TACC2: variants seen among roughly 807,000 people sequenced by gnomAD.
TACC2 encodes the protein transforming acidic coiled-coil-containing protein 2.
In TACC2, 137 loss-of-function variants were observed where a neutral mutation model predicts 227.3. That is an observed-to-expected ratio of 0.60 (90% confidence interval 0.52 to 0.69). The LOEUF (loss-of-function observed/expected upper bound fraction) is 0.69. Ranked by LOEUF, TACC2 falls within the 30% of genes least tolerant of loss-of-function variation. The probability of loss-of-function intolerance (pLI) is 0.00; values close to 1 mark genes in which losing one functional copy is unlikely to be tolerated. For missense variants in TACC2, 3,470 were observed against 3,694.4 expected (o/e 0.94, Z 1.57); for synonymous variants, 1,523 against 1,487.5 (o/e 1.02, Z -0.55).
intron 5 of TACC2, among the ~76,000 whole-genome samples, chr10:122,104,074 TCTGCAG>T (rs1350782656): frequency 6.6e-6 from 1 of 152,242 alleles, no homozygotes; most frequent in Non-Finnish European, 1.5e-5. Context: ...CACTGCTGTT[TCTGCAG>T]CTCCTAGAAG....
In TACC2 at chr10:122,195,178, T is replaced by G; in HGVS notation, c.5971+2T>G. The G allele has an allele frequency of 6.3e-7, 1 of 1,580,670 alleles. No homozygotes were observed. Among genetic ancestry groups the G allele is most frequent in the South Asian group, 1.1e-5 (1 of 89,568 alleles). ...CACAGCCACCCCCGGAAGAACCAGG[T>G]AACCAAGGGCAGGGAGGCCCCCAGA... On this transcript the variant is annotated splice_donor_variant, in intron 8 of 22. Coordinates refer to ENST00000369005, the MANE Select transcript of TACC2 (RefSeq NM_206862.4). LOFTEE classifies it high-confidence loss of function.
intron 4 of TACC2, 135 bp from the exon 5 acceptor site, chr10:122,088,343 T>C (rs2080316326): frequency 7.4e-6 from 6 of 809,758 alleles, no homozygotes; most frequent in South Asian, 2.0e-5. Context: ...CAGGGGGCCC[T>C]TTTTCCTAGG....
rs1177233981 is a variant in TACC2, at chr10:122,180,999, C to T, written c.5835-14041C>T. On this transcript the variant is annotated intron_variant, in intron 7 of 22. Transcript: ENST00000369005. This position sits in a 1 kb window ranked among gnomAD's most constrained non-coding sequence, Gnocchi z 4.5. ...CCTCAGGTGATCCACCCACCTCAGCCTCCCAAAGTGCTGGGATTACAGGCA... is the reference window on the plus strand; with the variant it reads ...CCTCAGGTGATCCACCCACCTCAGCTTCCCAAAGTGCTGGGATTACAGGCA... Among the ~76,000 whole-genome samples, 3 of 150,708 alleles carry T rather than the reference C, an allele frequency of 2.0e-5. No homozygotes were observed. Among genetic ancestry groups the T allele is most frequent in the African/African-American group, 7.3e-5 (3 of 41,060 alleles).
intron 5 of TACC2, among the ~76,000 whole-genome samples, chr10:122,132,067 A>AGGAATGAAGGAAGGAAGGAAGG (rs57429902): frequency 3.5e-5 from 1 of 28,812 alleles, no homozygotes; most frequent in Admixed American, 3.2e-4. Context: ...AAAGAAAGAA[A>AGGAATGAAGGAAGGAAGGAAGG]AAGAAAGAAA....
rs1175613359 is a variant in TACC2, at chr10:122,195,882, GC to G, written c.5971+709del. 3.3e-5 allele frequency among the ~76,000 whole-genome samples: 5 copies of G among 152,160 alleles called. No individual in the cohort carries two copies. In the South Asian group the frequency reaches 1.0e-3, roughly 32 times the overall value. On this transcript the variant is annotated intron_variant, in intron 8 of 22. Coordinates refer to ENST00000369005, the MANE Select transcript of TACC2 (RefSeq NM_206862.4). ...AATGGTCCCACAGGCTGGCCAGGGGGCCCAGGTGGTATTGTCCTTGGGCCTG... is the reference window on the plus strand; with the variant it reads ...AATGGTCCCACAGGCTGGCCAGGGGGCCAGGTGGTATTGTCCTTGGGCCTG...
At chr10:122,222,482 G>A (rs2141261480) in intron 11 of TACC2, among the ~76,000 whole-genome samples, 1 of 152,318 alleles carries the variant, frequency 6.6e-6, no homozygotes, top group East Asian at 1.9e-4. Context: ...TCTGAAACCA[G>A]GCATCTCACA....
At chr10:122,028,745 CT>C (rs1281053257) in intron 2 of TACC2, among the ~76,000 whole-genome samples, 3,372 of 125,462 alleles carry the variant, frequency 0.027, 153 homozygotes, top group Middle Eastern at 0.05. Flanking sequence ...CCCCTCCCCT[CT>C]CCTCCCTTCC....
At chr10:122,089,449 G>A (rs960747385) in intron 5 of TACC2, among the ~76,000 whole-genome samples, 1 of 152,198 alleles carries the variant, frequency 6.6e-6, no homozygotes, top group Non-Finnish European at 1.5e-5. Flanking sequence ...ATGTAACCAC[G>A]AACAGTGACC....
intron 7 of TACC2, among the ~76,000 whole-genome samples, chr10:122,186,238 A>T (rs964685807): frequency 1.3e-5 from 2 of 151,986 alleles, no homozygotes; most frequent in African/African-American, 4.8e-5. Flanking sequence ...CAAGTAACTC[A>T]GTTTCTATTA....
intron 7 of TACC2, among the ~76,000 whole-genome samples, chr10:122,153,643 C>T (rs2092267727): frequency 6.6e-6 from 1 of 152,226 alleles, no homozygotes; most frequent in African/African-American, 2.4e-5. Context: ...CACAGCTAAA[C>T]ATGTATTGAG....
At position 122,195,108 on chromosome 10, in the gene TACC2, C is replaced by T. The variant is rs1455549169; in HGVS notation, c.5903C>T (p.Pro1968Leu). The T allele has an allele frequency of 1.2e-6, 2 of 1,612,622 alleles. No homozygotes were observed. Among genetic ancestry groups the T allele is most frequent in the South Asian group, 1.1e-5 (1 of 90,982 alleles). The part of the protein sequence containing the change: ...STTPVKAPPA[P>L]PPPPPEVIPE... ...ACCCCTGTCAAAGCTCCGCCAGCTC[C>T]ACCCCCACCACCCCCCGAAGTCATC... The change falls in exon 8 of 23, where the codon CCA becomes CTA. Residue 1968 changes from proline to leucine, a missense_variant. Around this residue, in one of 10 missense-constraint regions of TACC2, gnomAD observed 593 missense variants for 636.6 expected, o/e 0.93. Transcript: ENST00000369005.
chr10:122,228,299 G>C (rs1003423124), intron 14 of TACC2, among the ~76,000 whole-genome samples: 10 of 152,204 alleles, frequency 6.6e-5, no homozygotes, highest in African/African-American at 2.4e-4. Context: ...TGTTGCTTTA[G>C]GGCAGTCGTT....
At chr10:122,079,968 A>T (rs1473431638) in intron 3 of TACC2, among the ~76,000 whole-genome samples, 1 of 152,218 alleles carries the variant, frequency 6.6e-6, no homozygotes, top group Admixed American at 6.5e-5. Context: ...TGGGACAGTA[A>T]ATACCCACCT....
At chr10:122,229,221 G>T in intron 14 of TACC2, 125 bp from the exon 15 acceptor site, 1 of 1,048,872 alleles carries the variant, frequency 9.5e-7, no homozygotes, top group South Asian at 1.5e-5. Flanking sequence ...GCAGCTAATT[G>T]ATACTCTCTT....
chr10:122,105,400 G>T (rs980325145), intron 5 of TACC2, among the ~76,000 whole-genome samples: 1 of 152,102 alleles, frequency 6.6e-6, no homozygotes, highest in African/African-American at 2.4e-5. Context: ...AAGTGATCAG[G>T]GGAGAGGCCC....
intron 5 of TACC2, among the ~76,000 whole-genome samples, chr10:122,092,583 T>A (rs1387304046): frequency 3.9e-5 from 6 of 152,220 alleles, no homozygotes. Flanking sequence ...CATACACATG[T>A]ACATGAAGGT....
At chr10:122,182,323 G>A (rs569480442) in intron 7 of TACC2, among the ~76,000 whole-genome samples, 1 of 152,300 alleles carries the variant, frequency 6.6e-6, no homozygotes, top group East Asian at 1.9e-4. Flanking sequence ...CAAAGCTTCA[G>A]GCCTCTGAAG....
At chr10:122,011,179 A>G (rs890740623) in intron 1 of TACC2, among the ~76,000 whole-genome samples, 10 of 151,830 alleles carry the variant, frequency 6.6e-5, no homozygotes, top group African/African-American at 1.9e-4. Flanking sequence ...AGCTAGGTAG[A>G]CAGGGATGCA....
At chr10:122,160,743 CCTT>C (rs756577604) in intron 7 of TACC2, among the ~76,000 whole-genome samples, 8 of 152,110 alleles carry the variant, frequency 5.3e-5, no homozygotes, top group Non-Finnish European at 1.0e-4. Flanking sequence ...CATTCTCCCT[CCTT>C]ATTTTCTTCA....
Sources: gnomAD v4.1 joint callset for allele counts (sites outside exome capture counted in the v4.1 genomes callset) on GRCh38, gnomAD v4.1.1 for gene constraint, gnomAD v4.1.1 regional missense constraint, Gnocchi (gnomAD v3.1) non-coding constraint, MANE v1.5 for transcripts, NCBI Gene and HGNC (gene_info 2026-07-23, HGNC 2026-07-21) for gene names.